NPAS3: variants seen among roughly 807,000 people sequenced by gnomAD.
The protein encoded by NPAS3 is neuronal PAS domain-containing protein 3.
Under a neutral mutation model 73.1 loss-of-function variants are expected in NPAS3, and 14 were observed. That is an observed-to-expected ratio of 0.19 (90% confidence interval 0.13 to 0.30). NPAS3 has a LOEUF of 0.30. NPAS3 is among the 10% of genes least tolerant of loss of function. The pLI, the probability that NPAS3 is intolerant of heterozygous loss-of-function variation, is 1.00. For synonymous variants in NPAS3, 620 were observed against 541.5 expected (o/e 1.14, Z -2.01); for missense variants, 1,096 against 1,250.0 (o/e 0.88, Z 1.86).
chr14:33,058,026 G>T (rs546256303), intron 2 of NPAS3, among the ~76,000 whole-genome samples: 2 of 151,776 alleles, frequency 1.3e-5, no homozygotes, highest in South Asian at 2.1e-4. Flanking sequence ...TTAGAAAGCT[G>T]GTGTTAATAT....
chr14:33,150,934 C>A (rs1348884883), intron 2 of NPAS3, among the ~76,000 whole-genome samples: 1 of 152,184 alleles, frequency 6.6e-6, no homozygotes, highest in East Asian at 1.9e-4. Flanking sequence ...TTAAACATAG[C>A]CTCTATATCC....
intron 1 of NPAS3, among the ~76,000 whole-genome samples, chr14:33,045,369 C>CT (rs1566498950): frequency 1.3e-5 from 2 of 152,194 alleles, no homozygotes; most frequent in African/African-American, 2.4e-5. Context: ...ATCTTAAACT[C>CT]TAAGTTGTGA....
At chr14:33,771,346 A>G (rs1243751980) in intron 7 of NPAS3, among the ~76,000 whole-genome samples, 1 of 152,114 alleles carries the variant, frequency 6.6e-6, no homozygotes, top group African/African-American at 2.4e-5. Flanking sequence ...ACAGACAAAC[A>G]CACCCTCTGA....
At chr14:33,371,600 G>A (rs779990480) in intron 4 of NPAS3, among the ~76,000 whole-genome samples, 24 of 152,082 alleles carry the variant, frequency 1.6e-4, no homozygotes, top group Non-Finnish European at 2.4e-4. Context: ...TACTATGGAT[G>A]TATCATAATT....
chr14:33,684,066 T>C (rs2060016871), intron 6 of NPAS3, among the ~76,000 whole-genome samples: 1 of 152,016 alleles, frequency 6.6e-6, no homozygotes, highest in Admixed American at 6.6e-5. Flanking sequence ...AAGGGTACAA[T>C]ATTAGGGTTG....
At chr14:33,490,911 A>G (rs1046158883) in intron 4 of NPAS3, among the ~76,000 whole-genome samples, 2 of 152,194 alleles carry the variant, frequency 1.3e-5, no homozygotes, top group African/African-American at 4.8e-5. Context: ...GACCAGTTAG[A>G]GCTGACCCAA....
At chr14:33,269,742 G>A (rs553929769) in intron 3 of NPAS3, among the ~76,000 whole-genome samples, 20 of 150,188 alleles carry the variant, frequency 1.3e-4, no homozygotes, top group African/African-American at 4.1e-4. Context: ...AGCTTTATTC[G>A]TATTTTCATG....
At chr14:33,279,494 A>C (rs1213679225) in intron 3 of NPAS3, among the ~76,000 whole-genome samples, 7 of 152,162 alleles carry the variant, frequency 4.6e-5, no homozygotes, top group African/African-American at 1.7e-4. Flanking sequence ...TGCCAGAACA[A>C]TACTGGCTAG....
intron 4 of NPAS3, among the ~76,000 whole-genome samples, chr14:33,540,321 T>G (rs2054454390): frequency 1.3e-5 from 2 of 152,374 alleles, no homozygotes; most frequent in Admixed American, 1.3e-4. Context: ...ACCTATGCTT[T>G]GTTCATTTAT....
At chr14:33,276,099 A>G (rs2041316418) in intron 3 of NPAS3, among the ~76,000 whole-genome samples, 1 of 152,162 alleles carries the variant, frequency 6.6e-6, no homozygotes, top group South Asian at 2.1e-4. Context: ...GCACCTACAC[A>G]CTGTGTGCAT....
chr14:33,456,670 G>C (rs910325000), intron 4 of NPAS3, among the ~76,000 whole-genome samples: 1 of 152,160 alleles, frequency 6.6e-6, no homozygotes, highest in Admixed American at 6.5e-5. Flanking sequence ...AGACCGCACT[G>C]TTTTCAGCTG....
chr14:33,337,630 T>A lies in NPAS3; in HGVS notation c.386-29556T>A, dbSNP rs1199729135. ...TGTTAGTTTCTATAAAAATTCCTGC[T>A]GGAATTTTTATAGAAATTCCACTGA... On this transcript the variant is annotated intron_variant, in intron 3 of 11. Transcript: ENST00000356141. 3.9e-5 allele frequency among the ~76,000 whole-genome samples: 6 copies of A among 152,208 alleles called. No homozygotes were observed. In the East Asian group the frequency reaches 7.7e-4, roughly 20 times the overall value.
chr14:33,641,882 T>G (rs1250435375), intron 5 of NPAS3, among the ~76,000 whole-genome samples: 1 of 152,186 alleles, frequency 6.6e-6, no homozygotes, highest in African/African-American at 2.4e-5. Flanking sequence ...AATGCAGGTA[T>G]GGTGAGAGTT....
chr14:32,936,834 C>T (rs1392865790), upstream of NPAS3, among the ~76,000 whole-genome samples: 4 of 152,074 alleles, frequency 2.6e-5, no homozygotes, highest in Non-Finnish European at 4.4e-5. Context: ...TCTGCCACCT[C>T]AGCACTGAGA....
At chr14:33,374,501 A>G (rs566055183) in intron 4 of NPAS3, among the ~76,000 whole-genome samples, 69 of 152,216 alleles carry the variant, frequency 4.5e-4, no homozygotes, top group Middle Eastern at 3.4e-3. Context: ...TTAAAAAAAA[A>G]TCAGGTTGAT....
At chr14:33,224,257 T>C (rs2047540474) in intron 3 of NPAS3, among the ~76,000 whole-genome samples, 1 of 152,212 alleles carries the variant, frequency 6.6e-6, no homozygotes, top group African/African-American at 2.4e-5. Context: ...ATAGTTCCAG[T>C]GCTCTGCAGA....
At chr14:33,573,064 T>C (rs1305279797) in intron 5 of NPAS3, among the ~76,000 whole-genome samples, 1 of 147,474 alleles carries the variant, frequency 6.8e-6, no homozygotes, top group Non-Finnish European at 1.5e-5. Flanking sequence ...ACAATGCTAA[T>C]GGTGTAAATG....
chr14:33,219,602 G>A (rs2047348476), intron 3 of NPAS3, among the ~76,000 whole-genome samples: 2 of 152,106 alleles, frequency 1.3e-5, no homozygotes, highest in Admixed American at 6.5e-5. Flanking sequence ...TCACTATTTC[G>A]GGCATCTATT....
At chr14:33,444,890 G>T (rs1347896268) in intron 4 of NPAS3, among the ~76,000 whole-genome samples, 1 of 152,218 alleles carries the variant, frequency 6.6e-6, no homozygotes, top group South Asian at 2.1e-4. Context: ...AATGCTTGAG[G>T]TTCCCTCATC....
Sources: gnomAD v4.1 joint callset for allele counts (sites outside exome capture counted in the v4.1 genomes callset) on GRCh38, gnomAD v4.1.1 for gene constraint, MANE v1.5 for transcripts, NCBI Gene and HGNC (gene_info 2026-07-23, HGNC 2026-07-21) for gene names.